KIAA1958: variants seen among roughly 807,000 people sequenced by gnomAD.
KIAA1958 encodes the protein KIAA1958, also known as uncharacterized protein KIAA1958.
Under a neutral mutation model 47.2 loss-of-function variants are expected in KIAA1958, and 14 were observed. That is an observed-to-expected ratio of 0.30 (90% CI 0.20 to 0.46). The LOEUF is 0.46. KIAA1958 is among the 20% of genes least tolerant of loss of function. The probability of loss-of-function intolerance (pLI) is 1.00; values close to 1 mark genes in which losing one functional copy is unlikely to be tolerated. For synonymous variants in KIAA1958, 354 were observed against 353.3 expected, an observed-to-expected ratio of 1.00 and a Z score of -0.02; for missense variants, 803 against 909.2, an observed-to-expected ratio of 0.88 and a Z score of 1.50.
At chr9:112,489,353 T>C (rs1190791631) in intron 1 of KIAA1958, among the ~76,000 whole-genome samples, 1 of 152,206 alleles carries the variant, frequency 6.6e-6, no homozygotes, top group Non-Finnish European at 1.5e-5. Context: ...AAGCATCGAG[T>C]GTGGCCTGTA....
intron 1 of KIAA1958, among the ~76,000 whole-genome samples, chr9:112,506,602 C>T (rs1187842238): frequency 5.3e-5 from 8 of 152,056 alleles, no homozygotes; most frequent in Admixed American, 2.6e-4. Flanking sequence ...CACAAGGTTC[C>T]GTTACTTTTT....
intron 1 of KIAA1958, among the ~76,000 whole-genome samples, chr9:112,533,642 T>C (rs1834805919): frequency 6.7e-6 from 1 of 149,978 alleles, no homozygotes; most frequent in Admixed American, 6.6e-5. Context: ...TTCCCATTGC[T>C]GGGGAGACCT....
At chr9:112,581,344 C>A (rs1242089255) in intron 2 of KIAA1958, among the ~76,000 whole-genome samples, 1 of 152,126 alleles carries the variant, frequency 6.6e-6, no homozygotes, top group Non-Finnish European at 1.5e-5. Context: ...TCATCATCAT[C>A]ATCATTAGAT....
In KIAA1958 at chr9:112,574,100, C is replaced by T. The variant is rs776970032; in HGVS notation, c.20C>T (p.Thr7Ile). ...TGTAACATGGAGGATTGTCTTCATA[C>T]CTCATCTGAGAATCTGTCCAAATTG... is the stretch of plus-strand genomic sequence containing the variant. The part of the protein sequence containing the change: MEDCLH[T>I]SSENLSKLVS... Residue 7 changes from threonine to isoleucine, a missense_variant, in exon 2 of 4, where the codon ACC becomes ATC. Physicochemically the swap from Thr to Ile is moderately conservative, Grantham distance 89 (BLOSUM62 -1). This residue lies in a region of KIAA1958 where 42 missense variants were observed against 79.9 expected (regional missense o/e 0.53). Coordinates refer to ENST00000337530, the MANE Select transcript of KIAA1958 (RefSeq NM_133465.4). 10 of 1,597,966 alleles carry T rather than the reference C, an allele frequency of 6.3e-6. No individual in the cohort carries two copies. Among genetic ancestry groups the T allele is most frequent in the Non-Finnish European group, 8.5e-6 (10 of 1,170,168 alleles).
At chr9:112,504,889 A>G (rs376265741) in intron 1 of KIAA1958, among the ~76,000 whole-genome samples, 118 of 152,292 alleles carry the variant, frequency 7.7e-4, no homozygotes, top group African/African-American at 2.6e-3. Context: ...ATGCGTAGTG[A>G]TCAAGTCAGG....
intron 1 of KIAA1958, among the ~76,000 whole-genome samples, chr9:112,509,953 G>T (rs926295067): frequency 1.1e-4 from 17 of 152,212 alleles, no homozygotes; most frequent in Non-Finnish European, 1.9e-4. Context: ...TGGTTTGTGT[G>T]TGTCAGGTGG....
chr9:112,652,808 G>A (rs1486004112), intron 3 of KIAA1958, among the ~76,000 whole-genome samples: 1 of 152,062 alleles, frequency 6.6e-6, no homozygotes, highest in East Asian at 1.9e-4. Context: ...TTTTTGGAGA[G>A]ATGAGGTTTC....
At chr9:112,607,749 C>CAAAAA (rs367932637) in intron 2 of KIAA1958, among the ~76,000 whole-genome samples, 1 of 118,868 alleles carries the variant, frequency 8.4e-6, no homozygotes, top group African/African-American at 3.2e-5. Flanking sequence ...ATATCCAAGA[C>CAAAAA]AAAAAAAAAA....
chr9:112,665,799 G>T lies in KIAA1958; in HGVS notation c.*5730G>T. The T allele has an allele frequency of 6.6e-6, 1 of 152,138 alleles. No homozygotes were observed. The highest frequency in any genetic ancestry group is 6.6e-5 in the Admixed American group (1 of 15,266). The allele number at this position is 152,138 out of a possible 1,614,324, so 9.4% of individuals were successfully genotyped here. A position where few individuals can be genotyped will look rare whatever the true frequency, so the allele number is the denominator to read the frequency against. The stretch of plus-strand genomic sequence containing the variant: ...TCTACCTTAAAGGGCAGATGGTCAT[G>T]TGAATTTATTCTAATGAAAGTTAGT... On this transcript the variant is annotated 3_prime_UTR_variant, in exon 4 of 4. Coordinates refer to ENST00000337530, the MANE Select transcript of KIAA1958 (RefSeq NM_133465.4).
At chr9:112,521,619 TA>T in intron 1 of KIAA1958, among the ~76,000 whole-genome samples, 1 of 152,350 alleles carries the variant, frequency 6.6e-6, no homozygotes, top group Middle Eastern at 3.4e-3. Context: ...ATATGGCCTA[TA>T]TGATTTTTGC....
intron 1 of KIAA1958, among the ~76,000 whole-genome samples, chr9:112,563,959 T>G (rs1356859045): frequency 6.6e-6 from 1 of 152,188 alleles, no homozygotes; most frequent in Non-Finnish European, 1.5e-5. Flanking sequence ...TGTCAAATGC[T>G]TTTTTCTGCA....
chr9:112,536,616 G>GA (rs911805900), intron 1 of KIAA1958, among the ~76,000 whole-genome samples: 16 of 151,988 alleles, frequency 1.1e-4, no homozygotes, highest in Non-Finnish European at 2.2e-4. Flanking sequence ...ATTCATATGG[G>GA]AAAAAAATAA....
chr9:112,490,754 A>G (rs533242224), intron 1 of KIAA1958, among the ~76,000 whole-genome samples: 32 of 152,340 alleles, frequency 2.1e-4, no homozygotes, highest in African/African-American at 7.0e-4. Context: ...AAAGTCTTAC[A>G]CTTAAACAGT....
intron 1 of KIAA1958, among the ~76,000 whole-genome samples, chr9:112,495,598 A>G (rs1415433939): frequency 6.6e-6 from 1 of 152,256 alleles, no homozygotes; most frequent in Non-Finnish European, 1.5e-5. Flanking sequence ...GTAAAGTGGT[A>G]CAGCAATTTG....
chr9:112,550,830 C>G (rs1045480926), intron 1 of KIAA1958, among the ~76,000 whole-genome samples: 6 of 152,174 alleles, frequency 3.9e-5, no homozygotes, highest in Non-Finnish European at 7.3e-5. Context: ...GTGCGACTGA[C>G]CTTAGTTACT....
chr9:112,595,842 A>G (rs528884225), intron 2 of KIAA1958, among the ~76,000 whole-genome samples: 2 of 151,492 alleles, frequency 1.3e-5, no homozygotes, highest in East Asian at 2.0e-4. Context: ...CTGGAGTGCA[A>G]TGGTGCGATC....
chr9:112,491,191 C>T (rs1262592829), intron 1 of KIAA1958, among the ~76,000 whole-genome samples: 1 of 152,144 alleles, frequency 6.6e-6, no homozygotes, highest in East Asian at 1.9e-4. Flanking sequence ...GTCTTGAACT[C>T]CTGGACTCAA....
intron 1 of KIAA1958, among the ~76,000 whole-genome samples, chr9:112,528,503 T>C (rs1834699066): frequency 1.3e-5 from 2 of 152,244 alleles, no homozygotes; most frequent in East Asian, 1.9e-4. Context: ...CCCTCACAAT[T>C]GGAGTGTTTA....
intron 2 of KIAA1958, among the ~76,000 whole-genome samples, chr9:112,580,245 A>G (rs1835714054): frequency 6.6e-6 from 1 of 152,066 alleles, no homozygotes. Context: ...AGAGATTCCT[A>G]CTACTGTTTA....
Sources: gnomAD v4.1 joint callset for allele counts (sites outside exome capture counted in the v4.1 genomes callset) on GRCh38, gnomAD v4.1.1 for gene constraint, gnomAD v4.1.1 regional missense constraint, MANE v1.5 for transcripts, NCBI Gene and HGNC (gene_info 2026-07-23, HGNC 2026-07-21) for gene names.